Variants in SPATA13 observed in about 807,000 individuals in gnomAD.
SPATA13 encodes spermatogenesis-associated protein 13.
In SPATA13, 50 loss-of-function variants were observed where a neutral mutation model predicts 104.0. That is an observed-to-expected ratio of 0.48 (90% CI 0.38 to 0.61). The LOEUF (loss-of-function observed/expected upper bound fraction) is 0.61, where lower values mean the gene tolerates loss of function less well. Ranked by LOEUF, SPATA13 falls within the 20% of genes least tolerant of loss-of-function variation. The pLI, the probability that SPATA13 is intolerant of heterozygous loss-of-function variation, is 0.00. For missense variants in SPATA13, 1,524 were observed against 1,690.6 expected (o/e 0.90, Z 1.73); for synonymous variants, 606 against 667.5 (o/e 0.91, Z 1.42).
intron 3 of SPATA13, among the ~76,000 whole-genome samples, chr13:24,120,667 T>C (rs1881004853): frequency 1.3e-5 from 2 of 152,236 alleles, no homozygotes; most frequent in Non-Finnish European, 2.9e-5. Flanking sequence ...TTAATGCTTA[T>C]GAATTGGCAC....
In SPATA13 at chr13:24,297,620, C is replaced by G; in HGVS notation, c.3468C>G (p.Val1156=). ...NLSVKNAFKL[V]SRTTDEVYLF... is the part of the protein sequence containing the mutation. ...GCGTGAAAAATGCCTTCAAGCTCGT[C>G]AGTAGGACCACAGACGAGGTTTATT... Residue 1156 remains valine, a synonymous_variant, in exon 11 of 13, where the codon GTC becomes GTG. Transcript: ENST00000382108. 3.1e-6 allele frequency: 5 copies of G among 1,614,228 alleles called. No individual in the cohort carries two copies. Among genetic ancestry groups the G allele is most frequent in the Non-Finnish European group, 4.2e-6 (5 of 1,180,052 alleles).
chr13:24,170,929 G>A (rs1882942524), intron 1 of SPATA13, among the ~76,000 whole-genome samples: 1 of 151,958 alleles, frequency 6.6e-6, no homozygotes, highest in Non-Finnish European at 1.5e-5. Flanking sequence ...AAAAGAACTG[G>A]AATGTCCAGT....
intron 2 of SPATA13, among the ~76,000 whole-genome samples, chr13:24,249,070 A>T (rs558483224): frequency 1.9e-4 from 29 of 152,236 alleles, no homozygotes; most frequent in East Asian, 5.8e-4. Context: ...GGGTTTCTGC[A>T]TGTTGCCCAG....
In SPATA13 at chr13:24,116,766, C is replaced by T. The variant is rs565144663; in HGVS notation, c.-112+99065C>T. Among the ~76,000 whole-genome samples, 521 of 134,456 alleles carry T rather than the reference C, an allele frequency of 3.9e-3. 3 individuals are homozygous for T. Among genetic ancestry groups the T allele is most frequent in the Non-Finnish European group, 5.5e-3 (353 of 64,708 alleles). The allele number at this position is 134,456 out of a possible 152,430, so 88.2% of individuals were successfully genotyped here. ...CCAAAATTTGTATGTTGAAGCCCTACCAGCCCCCCCCCCCCAATGTGCTGA... is the reference window on the plus strand; with the variant it reads ...CCAAAATTTGTATGTTGAAGCCCTATCAGCCCCCCCCCCCCAATGTGCTGA... On this transcript the variant is annotated intron_variant, in intron 3 of 14. Coordinates refer to the SPATA13 transcript ENST00000424834.
chr13:24,279,783 A>G (rs1483661648), intron 4 of SPATA13, among the ~76,000 whole-genome samples: 1 of 152,196 alleles, frequency 6.6e-6, no homozygotes, highest in African/African-American at 2.4e-5. Context: ...AAGCAAGGAC[A>G]TTCACCCAGG....
At chr13:24,211,131 T>G (rs1870989567) in intron 1 of SPATA13, among the ~76,000 whole-genome samples, 1 of 152,272 alleles carries the variant, frequency 6.6e-6, no homozygotes, top group Non-Finnish European at 1.5e-5. Context: ...TTTACTGAAT[T>G]TGTTTATTAG....
chr13:24,111,908 T>C (rs1327366899), intron 3 of SPATA13, among the ~76,000 whole-genome samples: 1 of 152,246 alleles, frequency 6.6e-6, no homozygotes, highest in African/African-American at 2.4e-5. Flanking sequence ...TTTCCTTGTT[T>C]GATGTTGGTA....
At chr13:24,292,995 CAAA>C (rs34221097) in intron 9 of SPATA13, among the ~76,000 whole-genome samples, 45 of 23,924 alleles carry the variant, frequency 1.9e-3, no homozygotes, top group Non-Finnish European at 2.3e-3. Context: ...GACTTTGTCT[CAAA>C]AAAAAAAAAA....
rs370885015 is a variant in SPATA13 at position 24,292,919 on chromosome 13, C to T, written c.3081-1820C>T. ...GCTGAGGCACGAAAATCGCTTGAAC[C>T]CAGGAGGCGGAGGTTGCAATGAGCC... On this transcript the variant is annotated intron_variant, in intron 9 of 12. Coordinates refer to ENST00000382108, the MANE Select transcript of SPATA13 (RefSeq NM_001166271.3). 5.7e-5 allele frequency among the ~76,000 whole-genome samples: 8 copies of T among 141,452 alleles called. No homozygotes were observed. In the East Asian group the frequency reaches 1.3e-3, roughly 22 times the overall value. The allele number at this position is 141,452 out of a possible 152,430, so 92.8% of individuals were successfully genotyped here.
chr13:24,013,836 G>A (rs535446909), intron 2 of SPATA13, among the ~76,000 whole-genome samples: 11 of 151,836 alleles, frequency 7.2e-5, no homozygotes, highest in Admixed American at 1.3e-4. Context: ...GTCAATAGCC[G>A]TTTGACCCAT....
chr13:24,066,829 T>C (rs1878983526), intron 3 of SPATA13, among the ~76,000 whole-genome samples: 1 of 152,134 alleles, frequency 6.6e-6, no homozygotes, highest in Non-Finnish European at 1.5e-5. Flanking sequence ...GCATCCGCCC[T>C]CTGTGGCAGC....
intron 4 of SPATA13, among the ~76,000 whole-genome samples, chr13:24,274,426 A>G (rs370337556): frequency 2.0e-5 from 3 of 152,310 alleles, no homozygotes; most frequent in East Asian, 3.9e-4. Context: ...AACATTTTCC[A>G]TGTGATTAGA....
chr13:24,211,703 G>A (rs111269169), intron 1 of SPATA13, among the ~76,000 whole-genome samples: 1,659 of 152,058 alleles, frequency 0.011, 21 homozygotes, highest in Middle Eastern at 0.034. Flanking sequence ...CCCAGCCCAC[G>A]GCCAGGATTA....
At chr13:24,295,801 T>G (rs893332766) in intron 10 of SPATA13, among the ~76,000 whole-genome samples, 1 of 152,138 alleles carries the variant, frequency 6.6e-6, no homozygotes, top group African/African-American at 2.4e-5. Context: ...CATTTAATCC[T>G]CTACACCATC....
chr13:24,100,094 T>C (rs1436631219), intron 3 of SPATA13, among the ~76,000 whole-genome samples: 1 of 151,972 alleles, frequency 6.6e-6, no homozygotes, highest in African/African-American at 2.4e-5. Context: ...ATTATTCTTT[T>C]CCGTGGCTTT....
intron 2 of SPATA13, among the ~76,000 whole-genome samples, chr13:23,994,572 C>G (rs1213707735): frequency 6.6e-6 from 1 of 152,188 alleles, no homozygotes; most frequent in African/African-American, 2.4e-5. Flanking sequence ...TTGGGTAGGT[C>G]CCGCTAATTA....
At chr13:24,238,626 T>TTAG (rs1459811719) in intron 2 of SPATA13, among the ~76,000 whole-genome samples, 1 of 152,168 alleles carries the variant, frequency 6.6e-6, no homozygotes, top group Non-Finnish European at 1.5e-5. Context: ...GGTGCCATGT[T>TTAG]TAGTAGGTCA....
intron 1 of SPATA13, among the ~76,000 whole-genome samples, chr13:24,173,867 T>G (rs187522779): frequency 6.6e-6 from 1 of 152,356 alleles, no homozygotes; most frequent in East Asian, 1.9e-4. Flanking sequence ...TATTGCTGAA[T>G]TCTGTTTTGT....
chr13:24,248,392 AC>A (rs1484229450), intron 2 of SPATA13, among the ~76,000 whole-genome samples: 1 of 152,386 alleles, frequency 6.6e-6, no homozygotes, highest in East Asian at 1.9e-4. Context: ...CTTGGGCCAG[AC>A]ACAGTGACTG....
Sources: gnomAD v4.1 joint callset for allele counts (sites outside exome capture counted in the v4.1 genomes callset) on GRCh38, gnomAD v4.1.1 for gene constraint, MANE v1.5 for transcripts, NCBI Gene and HGNC (gene_info 2026-07-23, HGNC 2026-07-21) for gene names.